SORCS3: variants seen among roughly 807,000 people sequenced by gnomAD.
SORCS3 encodes VPS10 domain-containing receptor SorCS3.
A neutral mutation model predicts 146.3 loss-of-function variants in SORCS3; 57 were observed. The ratio of observed to expected loss-of-function variants is 0.39; its 90% CI spans 0.31 to 0.49. The LOEUF is 0.49. SORCS3 is among the 20% of genes least tolerant of loss of function. The probability of loss-of-function intolerance (pLI) is 0.92; values close to 1 mark genes in which losing one functional copy is unlikely to be tolerated. For missense variants in SORCS3, 1,341 were observed against 1,575.5 expected, an observed-to-expected ratio of 0.85 and a Z score of 2.52; for synonymous variants, 653 against 618.5, an observed-to-expected ratio of 1.06 and a Z score of -0.83.
intron 19 of SORCS3, 50 bp downstream of exon 19, chr10:105,217,172 T>G: frequency 6.3e-7 from 1 of 1,594,244 alleles, no homozygotes; most frequent in Non-Finnish European, 8.6e-7. Context: ...AGTTGGCAAC[T>G]TGCTCTGTTC....
At chr10:105,187,553 C>G (rs1437893879) in intron 14 of SORCS3, among the ~76,000 whole-genome samples, 1 of 152,176 alleles carries the variant, frequency 6.6e-6, no homozygotes, top group Non-Finnish European at 1.5e-5. Context: ...TATGCTCTTT[C>G]TACTTTGATT....
intron 2 of SORCS3, among the ~76,000 whole-genome samples, chr10:104,905,981 T>G (rs2018901011): frequency 1.3e-5 from 2 of 152,136 alleles, no homozygotes; most frequent in African/African-American, 4.8e-5. Flanking sequence ...AGAATTTAGT[T>G]TCTTGAGGGT....
intron 16 of SORCS3, among the ~76,000 whole-genome samples, chr10:105,209,675 G>A (rs1389832512): frequency 2.6e-5 from 4 of 152,138 alleles, no homozygotes; most frequent in African/African-American, 9.7e-5. Flanking sequence ...ATTAAAGAAG[G>A]ATAAGTAGGA....
intron 2 of SORCS3, among the ~76,000 whole-genome samples, chr10:104,893,945 C>T (rs558423597): frequency 6.6e-6 from 1 of 152,172 alleles, no homozygotes; most frequent in African/African-American, 2.4e-5. Flanking sequence ...CACTCCCAAC[C>T]GGCAAATTCA....
At chr10:104,768,681 C>T (rs1029059336) in intron 1 of SORCS3, among the ~76,000 whole-genome samples, 17 of 152,202 alleles carry the variant, frequency 1.1e-4, no homozygotes, top group African/African-American at 3.9e-4. Flanking sequence ...GTTTGTTCAG[C>T]TTCTGCTGAT....
Position 105,178,062 on chromosome 10 carries a change from A to G in SORCS3, c.1902-4A>G. 6.2e-7 allele frequency: 1 copy of G among 1,609,732 alleles called. No homozygotes were observed. Among genetic ancestry groups the G allele is most frequent in the Non-Finnish European group, 8.5e-7 (1 of 1,176,538 alleles). On this transcript the variant is annotated splice_polypyrimidine_tract_variant and splice_region_variant and intron_variant, in intron 13 of 26. Transcript: ENST00000369701. ...TCTTTTTTGTGTACTTGTTTCCAACACAGGGTGAGTTTTGATGAGGGCCAC... is the reference window on the plus strand; with the variant it reads ...TCTTTTTTGTGTACTTGTTTCCAACGCAGGGTGAGTTTTGATGAGGGCCAC...
At chr10:104,940,232 ATATATATTTTT>A (rs1395578006) in intron 3 of SORCS3, among the ~76,000 whole-genome samples, 1,515 of 22,320 alleles carry the variant, frequency 0.068, 23 homozygotes, top group East Asian at 0.21. Context: ...ATATATATAT[ATATATATTTTT>A]TTTTTTTTTT....
chr10:104,962,320 C>A (rs1432839915), intron 3 of SORCS3, among the ~76,000 whole-genome samples: 1 of 152,082 alleles, frequency 6.6e-6, no homozygotes, highest in Non-Finnish European at 1.5e-5. Context: ...AGAGGTCAAG[C>A]CTGAAAACAG....
intron 2 of SORCS3, among the ~76,000 whole-genome samples, chr10:104,863,968 A>G (rs142309081): frequency 1.3e-5 from 2 of 152,302 alleles, no homozygotes; most frequent in African/African-American, 4.8e-5. Flanking sequence ...GTCAAAAGGG[A>G]CATTTCCAGG....
intron 18 of SORCS3, among the ~76,000 whole-genome samples, chr10:105,215,608 A>G (rs1398850667): frequency 6.6e-6 from 1 of 152,194 alleles, no homozygotes; most frequent in Non-Finnish European, 1.5e-5. Flanking sequence ...GACCACAGCT[A>G]TAAAAACCTT....
chr10:104,824,251 A>C (rs2017910322), intron 1 of SORCS3, among the ~76,000 whole-genome samples: 1 of 152,244 alleles, frequency 6.6e-6, no homozygotes, highest in African/African-American at 2.4e-5. Context: ...ATTTGGCCCC[A>C]GTAGATATCT....
intron 4 of SORCS3, among the ~76,000 whole-genome samples, chr10:104,979,190 C>G (rs1358212800): frequency 6.6e-6 from 1 of 152,172 alleles, no homozygotes; most frequent in Non-Finnish European, 1.5e-5. Flanking sequence ...CTGCATTCCT[C>G]ACTAGATTAC....
chr10:105,057,536 T>C (rs1318148883), intron 5 of SORCS3, among the ~76,000 whole-genome samples: 1 of 152,140 alleles, frequency 6.6e-6, no homozygotes, highest in African/African-American at 2.4e-5. Flanking sequence ...TGGTGACCCA[T>C]TGCTCTATCA....
At chr10:104,740,855 A>C (rs1257212448) in intron 1 of SORCS3, among the ~76,000 whole-genome samples, 1 of 152,160 alleles carries the variant, frequency 6.6e-6, no homozygotes. Flanking sequence ...AGTTGGCCTT[A>C]TTAGGTTAAC....
intron 4 of SORCS3, among the ~76,000 whole-genome samples, chr10:105,041,052 G>T (rs2055334620): frequency 7.3e-6 from 1 of 137,824 alleles, no homozygotes; most frequent in Non-Finnish European, 1.5e-5. Flanking sequence ...ATATATATAA[G>T]AAATATATAA....
At chr10:105,008,149 T>C (rs2133678692) in intron 4 of SORCS3, among the ~76,000 whole-genome samples, 1 of 152,304 alleles carries the variant, frequency 6.6e-6, no homozygotes, top group East Asian at 1.9e-4. Flanking sequence ...TTAGGTCCTT[T>C]ACAGTTGCTG....
intron 20 of SORCS3, among the ~76,000 whole-genome samples, chr10:105,240,779 C>T (rs2056817251): frequency 6.6e-6 from 1 of 151,806 alleles, no homozygotes; most frequent in South Asian, 2.1e-4. Context: ...CCTCTCATGC[C>T]CCTTCTAAGT....
chr10:104,751,968 T>TATATATATATAA (rs1369449514), intron 1 of SORCS3, among the ~76,000 whole-genome samples: 4 of 128,462 alleles, frequency 3.1e-5, no homozygotes, highest in Non-Finnish European at 5.0e-5. Context: ...TATATATATA[T>TATATATATATAA]AATAGTTTAG....
chr10:105,088,031 T>C (rs968880083), intron 5 of SORCS3, among the ~76,000 whole-genome samples: 1 of 152,136 alleles, frequency 6.6e-6, no homozygotes, highest in Non-Finnish European at 1.5e-5. Flanking sequence ...GCAGTGATAC[T>C]AGGGAAGGAA....
Sources: allele counts gnomAD v4.1 joint callset (sites outside exome capture counted in the v4.1 genomes callset), GRCh38; gene constraint gnomAD v4.1.1; transcripts MANE v1.5; gene names NCBI Gene and HGNC (gene_info 2026-07-23, HGNC 2026-07-21).